The following GABRR3 variants were observed in gnomAD, a reference collection of about 807,000 sequenced individuals.
GABRR3 encodes the protein gamma-aminobutyric acid type A receptor subunit rho3, also known as gamma-aminobutyric acid receptor subunit rho-3.
A neutral mutation model predicts 43.2 loss-of-function variants in GABRR3; 29 were observed. That is an observed-to-expected ratio of 0.67 (90% CI 0.50 to 0.92). The LOEUF (loss-of-function observed/expected upper bound fraction) is 0.92. GABRR3 is among the 40% of genes least tolerant of loss of function. The pLI is 0.00. For missense variants in GABRR3, 576 were observed against 572.3 expected (o/e 1.01, Z -0.07); for synonymous variants, 206 against 195.9 (o/e 1.05, Z -0.43).
At chr3:98,024,366 CAAAAAA>C (rs35090836) in intron 3 of GABRR3, among the ~76,000 whole-genome samples, 1 of 42,466 alleles carries the variant, frequency 2.4e-5, no homozygotes, top group Non-Finnish European at 5.1e-5. Flanking sequence ...GACTCCGTCT[CAAAAAA>C]AAAAAAAAAA....
intron 2 of GABRR3, among the ~76,000 whole-genome samples, chr3:98,027,017 A>G (rs1388950592): frequency 2.6e-5 from 4 of 152,242 alleles, no homozygotes; most frequent in Admixed American, 2.6e-4. Context: ...GAAGGCAATG[A>G]GTTTTATTTT....
intron 3 of GABRR3, among the ~76,000 whole-genome samples, chr3:98,021,974 A>G (rs940482013): frequency 3.3e-5 from 5 of 152,216 alleles, no homozygotes; most frequent in African/African-American, 2.4e-5. Flanking sequence ...GCATACTCAG[A>G]GAGGTTACAA....
Position 98,032,063 on chromosome 3 carries a change from C to CATAGTATAGTATAGT in GABRR3, c.125+2785_125+2799dup, listed in dbSNP as rs63090761. Among the ~76,000 whole-genome samples the CATAGTATAGTATAGT allele has an allele frequency of 4.5e-3, 629 of 140,410 alleles. 4 individuals are homozygous for CATAGTATAGTATAGT. The highest frequency in any genetic ancestry group is 8.8e-3 in the East Asian group (41 of 4,644). 92.1% of individuals were successfully genotyped at this position (140,410 alleles called of 152,430 possible). On this transcript the variant is annotated intron_variant, in intron 2 of 9. Transcript: ENST00000621172. The stretch of plus-strand genomic sequence containing the variant: ...ATGCATGGCAGAGATGTGTCTAGCA[C>CATAGTATAGTATAGT]ATAGTATAGTATAGTATAGTATAGT...
At chr3:97,988,106 G>A (rs1706410313) in intron 9 of GABRR3, among the ~76,000 whole-genome samples, 1 of 151,920 alleles carries the variant, frequency 6.6e-6, no homozygotes, top group South Asian at 2.1e-4. Context: ...AGCTTCAAGT[G>A]CCCTGCCATG....
At chr3:97,992,586 A>G (rs990367975) in intron 9 of GABRR3, among the ~76,000 whole-genome samples, 2 of 152,138 alleles carry the variant, frequency 1.3e-5, no homozygotes, top group African/African-American at 2.4e-5. Context: ...CTTTTATTCA[A>G]AGGGTACAGT....
At chr3:98,004,188 T>C (rs892394453) in intron 7 of GABRR3, among the ~76,000 whole-genome samples, 2 of 152,144 alleles carry the variant, frequency 1.3e-5, no homozygotes, top group Non-Finnish European at 2.9e-5. Flanking sequence ...ATACTCTCTA[T>C]GAAAAGGATC....
At chr3:97,993,186 G>A (rs1706494471) in intron 8 of GABRR3, 138 bp from the exon 9 acceptor site, 1 of 573,706 alleles carries the variant, frequency 1.7e-6, no homozygotes, top group Non-Finnish European at 2.9e-6. Context: ...TGTGCATGTT[G>A]ACCAGCTATA....
At chr3:97,999,495 A>C (rs1344851650) in intron 8 of GABRR3, 2 of 152,162 alleles carry the variant, frequency 1.3e-5, no homozygotes, top group Non-Finnish European at 2.9e-5. Context: ...ACATACGGAC[A>C]GTAGTTGGAA....
chr3:98,024,355 A>C (rs1205974316), intron 3 of GABRR3, among the ~76,000 whole-genome samples: 1 of 128,896 alleles, frequency 7.8e-6, no homozygotes, highest in Non-Finnish European at 1.6e-5. Context: ...TGACAGAGTG[A>C]GACTCCGTCT....
In GABRR3 at chr3:98,034,245, T is replaced by C. The variant is rs150537520; in HGVS notation, c.125+618A>G. Reference sequence around the variant, plus strand: ...CTGGCATTTTTAGTACTAAAACCTATAAAGCCCTAGGCAAATTGGTGTATA... The same window carrying C: ...CTGGCATTTTTAGTACTAAAACCTACAAAGCCCTAGGCAAATTGGTGTATA... On this transcript the variant is annotated intron_variant, in intron 2 of 9. Coordinates refer to ENST00000621172, the Ensembl canonical transcript of GABRR3. Among the ~76,000 whole-genome samples the C allele has an allele frequency of 6.7e-3, 1,026 of 152,232 alleles. 13 individuals carry two copies. The highest frequency in any genetic ancestry group is 0.024 in the African/African-American group (984 of 41,542).
Position 98,011,594 on chromosome 3 carries a change from T to G in GABRR3, c.530+750A>C, listed in dbSNP as rs1290484279. ...CCCTATTTCAAGATCCTTAACTTAATCACGTCTGCAAGGATTTTTTTTTCT... is the reference window on the plus strand; with the variant it reads ...CCCTATTTCAAGATCCTTAACTTAAGCACGTCTGCAAGGATTTTTTTTTCT... On this transcript the variant is annotated intron_variant, in intron 5 of 9. Transcript: ENST00000621172. Among the ~76,000 whole-genome samples, 3 of 149,248 alleles carry G rather than the reference T, an allele frequency of 2.0e-5. No homozygotes were observed. In the East Asian group the frequency reaches 6.0e-4, roughly 30 times the overall value.
intron 3 of GABRR3, among the ~76,000 whole-genome samples, chr3:98,022,066 C>CA (rs1706955383): frequency 6.6e-6 from 1 of 152,136 alleles, no homozygotes; most frequent in Admixed American, 6.5e-5. Flanking sequence ...TCTCCTTTGA[C>CA]AAGCAAAGAC....
At chr3:98,025,455 T>C in intron 3 of GABRR3, 112 bp downstream of exon 3, 1 of 635,476 alleles carries the variant, frequency 1.6e-6, no homozygotes. Flanking sequence ...AGCCTTCTTT[T>C]TTTGTTTTAA....
exon 3 of GABRR3, chr3:98,025,639 C>G (rs1707004503): frequency 1.2e-6 from 2 of 1,612,582 alleles, no homozygotes; most frequent in African/African-American, 2.7e-5. Context: ...TGAGGCCGCG[C>G]TTTGGTACTG....
intron 3 of GABRR3, among the ~76,000 whole-genome samples, chr3:98,024,058 G>A (rs1706982056): frequency 6.6e-6 from 1 of 152,208 alleles, no homozygotes; most frequent in Admixed American, 6.5e-5. Context: ...ATGAAATCAA[G>A]GTTAGACCCT....
chr3:98,026,671 G>A (rs78761057), intron 2 of GABRR3, among the ~76,000 whole-genome samples: 1,887 of 150,084 alleles, frequency 0.013, 48 homozygotes, highest in African/African-American at 0.043. Context: ...GAGCAATAAC[G>A]CAAGACCCTG....
chr3:98,020,870 CTTTTT>C (rs59070712), intron 3 of GABRR3, among the ~76,000 whole-genome samples: 4 of 117,446 alleles, frequency 3.4e-5, no homozygotes, highest in Non-Finnish European at 3.5e-5. Flanking sequence ...TTTTCTTTTT[CTTTTT>C]TTTTTTTTTT....
At chr3:97,999,290 A>G (rs1706601572) in intron 8 of GABRR3, 1 of 152,148 alleles carries the variant, frequency 6.6e-6, no homozygotes, top group East Asian at 1.9e-4. Flanking sequence ...GATAAGATTT[A>G]AAAGTGAGGA....
intron 3 of GABRR3, among the ~76,000 whole-genome samples, chr3:98,024,927 C>T (rs754514424): frequency 6.6e-6 from 1 of 152,200 alleles, no homozygotes; most frequent in African/African-American, 2.4e-5. Context: ...TTTTCATCTT[C>T]TTTACCTGCC....
Sources: allele counts gnomAD v4.1 joint callset (sites outside exome capture counted in the v4.1 genomes callset), GRCh38; gene constraint gnomAD v4.1.1; transcripts MANE v1.5; gene names NCBI Gene and HGNC (gene_info 2026-07-23, HGNC 2026-07-21).